PLPPR3: variants seen among roughly 807,000 people sequenced by gnomAD.
PLPPR3 encodes phospholipid phosphatase related 3, also known as phospholipid phosphatase-related protein type 3.
PLPPR3 carries 14 observed loss-of-function variants against 27.3 expected under a neutral mutation model. That is an observed-to-expected ratio of 0.51 (90% CI 0.34 to 0.80). The LOEUF (loss-of-function observed/expected upper bound fraction) is 0.80. PLPPR3 is among the 30% of genes least tolerant of loss of function. The probability of loss-of-function intolerance (pLI) is 0.01; values close to 1 mark genes in which losing one functional copy is unlikely to be tolerated. For synonymous variants in PLPPR3, 671 were observed against 508.0 expected (o/e 1.32, Z -4.32); for missense variants, 1,287 against 1,056.9 (o/e 1.22, Z -3.02).
At position 812,892 on chromosome 19, in the gene PLPPR3, T is replaced by C; in HGVS notation, c.1835A>G (p.Lys612Arg). ...WEWKAAGGGA[K>R]AEADGGYELG... ...CTCGTAGCCGCCGTCGGCCTCCGCC[T>C]TGGCCCCGCCGCCCGCCGCCTTCCA... is the stretch of plus-strand genomic sequence containing the variant. The change falls in exon 8 of 8, where the codon AAG (lysine) becomes AGG (arginine). Residue 612 changes from lysine (K) to arginine (R), a missense_variant. By Grantham distance (26) the Lys-to-Arg change is conservative (BLOSUM62 2). Transcript: ENST00000520876. 2 of 1,265,106 alleles carry C rather than the reference T, an allele frequency of 1.6e-6. No individual in the cohort carries two copies. The highest frequency in any genetic ancestry group is 2.0e-6 in the Non-Finnish European group (2 of 999,830). 78.4% of individuals were successfully genotyped at this position (1,265,106 alleles called of 1,614,324 possible). A position where few individuals can be genotyped will look rare whatever the true frequency, so the allele number is the denominator to read the frequency against.
intron 2 of PLPPR3, among the ~76,000 whole-genome samples, chr19:818,636 C>G (rs2035099143): frequency 6.6e-6 from 1 of 151,902 alleles, no homozygotes; most frequent in African/African-American, 2.4e-5. Context: ...CGGGTTCACG[C>G]CATTCTCCTG....
In PLPPR3 at chr19:813,289, GC is replaced by G; in HGVS notation, c.1437del (p.Pro480LeufsTer42). ...GCGCGCGGTGGGAGGATGACCCGAG[GC>G]CCCAGCCCCGGCCGCGCCTGCACGG... Reference protein sequence around the residue: ...YPTVQARPGLGPRVILPPRAG... With the variant: ...YPTVQARPGLXPRVILPPRAG... On this transcript the variant is annotated frameshift_variant, in exon 8 of 8. Transcript: ENST00000520876. LOFTEE classifies it low-confidence loss of function (END_TRUNC). This position sits in a 1 kb window ranked among gnomAD's most constrained non-coding sequence, Gnocchi z 4.1. The G allele has an allele frequency of 1.4e-6, 2 of 1,466,140 alleles. No homozygotes were observed. The highest frequency in any genetic ancestry group is 1.3e-5 in the South Asian group (1 of 74,958). The allele number at this position is 1,466,140 out of a possible 1,614,324, so 90.8% of individuals were successfully genotyped here. A position where few individuals can be genotyped will look rare whatever the true frequency, so the allele number is the denominator to read the frequency against.
rs143962053 is a variant in PLPPR3 at position 814,684 on chromosome 19, G to A, written c.657+8C>T. 6.1e-4 allele frequency: 972 copies of A among 1,604,072 alleles called. 1 individual carries two copies. The highest frequency in any genetic ancestry group is 7.7e-4 in the Non-Finnish European group (913 of 1,178,822). On this transcript the variant is annotated splice_region_variant and intron_variant, in intron 6 of 7. Transcript: ENST00000520876. The stretch of plus-strand genomic sequence containing the variant: ...GGCCTGGGAAGGGCAGTGAGGGGCC[G>A]GACTCACCGACACATAGACCGCGGC...
At chr19:816,906 GTCCA>G (rs1410739651) in intron 2 of PLPPR3, among the ~76,000 whole-genome samples, 1 of 136,118 alleles carries the variant, frequency 7.3e-6, no homozygotes, top group Non-Finnish European at 1.6e-5. Flanking sequence ...CCACCCAACT[GTCCA>G]TCCATCCACC....
chr19:812,547 C>T lies in PLPPR3; in HGVS notation c.*23G>A. 3 of 979,340 alleles carry T rather than the reference C, an allele frequency of 3.1e-6. No homozygotes were observed. The highest frequency in any genetic ancestry group is 3.6e-6 in the Non-Finnish European group (3 of 822,120). 60.7% of individuals were successfully genotyped at this position (979,340 alleles called of 1,614,324 possible). A position where few individuals can be genotyped will look rare whatever the true frequency, so the allele number is the denominator to read the frequency against. The stretch of plus-strand genomic sequence containing the variant: ...CCGCCCGCGCCCTCGGCCCGCCCCC[C>T]GCCCGCCCCCGGCCCCGCCGCGCTA... On this transcript the variant is annotated 3_prime_UTR_variant, in exon 8 of 8. Transcript: ENST00000520876.
rs1005856702 is a variant in PLPPR3 at position 812,518 on chromosome 19, G to A, written c.*52C>T. 65 of 988,770 alleles carry A rather than the reference G, an allele frequency of 6.6e-5. No homozygotes were observed. In the African/African-American group the frequency reaches 1.1e-3, roughly 17 times the overall value. 61.2% of individuals were successfully genotyped at this position (988,770 alleles called of 1,614,324 possible). On this transcript the variant is annotated 3_prime_UTR_variant, in exon 8 of 8. Transcript: ENST00000520876. Reference sequence around the variant, plus strand: ...TTCTGCCGCTTTATTGAGCATCCGCGCGGCCGCCCGCGCCCTCGGCCCGCC... The same window carrying A: ...TTCTGCCGCTTTATTGAGCATCCGCACGGCCGCCCGCGCCCTCGGCCCGCC...
chr19:818,555 T>C (rs1351115838), intron 2 of PLPPR3, among the ~76,000 whole-genome samples: 1 of 151,822 alleles, frequency 6.6e-6, no homozygotes, highest in African/African-American at 2.4e-5. Context: ...ATACTTTTTT[T>C]TGGAGTCTCG....
intron 2 of PLPPR3, among the ~76,000 whole-genome samples, chr19:820,214 GTCTC>G (rs1489451923): frequency 6.6e-6 from 1 of 151,786 alleles, no homozygotes; most frequent in Non-Finnish European, 1.5e-5. Context: ...TAGAGACAGA[GTCTC>G]TGTCATCCAG....
At position 812,512 on chromosome 19, in the gene PLPPR3, A is replaced by T; in HGVS notation, c.*58T>A. ...CTCGGTTTCTGCCGCTTTATTGAGCATCCGCGCGGCCGCCCGCGCCCTCGG... is the reference window on the plus strand; with the variant it reads ...CTCGGTTTCTGCCGCTTTATTGAGCTTCCGCGCGGCCGCCCGCGCCCTCGG... On this transcript the variant is annotated 3_prime_UTR_variant, in exon 8 of 8. Coordinates refer to ENST00000520876, the MANE Select transcript of PLPPR3 (RefSeq NM_001270366.2). The T allele has an allele frequency of 2.0e-6, 2 of 986,662 alleles. No homozygotes were observed. Among genetic ancestry groups the T allele is most frequent in the Non-Finnish European group, 2.4e-6 (2 of 829,842 alleles). 61.1% of individuals were successfully genotyped at this position (986,662 alleles called of 1,614,324 possible). A position where few individuals can be genotyped will look rare whatever the true frequency, so the allele number is the denominator to read the frequency against.
intron 4 of PLPPR3, 21 bp downstream of exon 4, chr19:815,165 G>C (rs1304539602): frequency 6.2e-7 from 1 of 1,601,992 alleles, no homozygotes; most frequent in African/African-American, 1.3e-5. Context: ...GCTCAGGGTC[G>C]GGGCGCGTCC....
upstream of PLPPR3, among the ~76,000 whole-genome samples, chr19:823,449 A>AAAAAACAAC (rs1035787040): frequency 5.6e-5 from 8 of 141,834 alleles, no homozygotes; most frequent in Admixed American, 2.7e-4. Flanking sequence ...CTCAAAAAAA[A>AAAAAACAAC]AAAAAAAAAC....
rs552711927 is a variant in PLPPR3, at chr19:814,495, C to T, written c.770G>A (p.Arg257His). Residue 257 changes from arginine to histidine, a missense_variant, in exon 7 of 8, where the codon CGC becomes CAC. Physicochemically the swap from Arg to His is conservative, Grantham distance 29. Coordinates refer to ENST00000520876, the MANE Select transcript of PLPPR3 (RefSeq NM_001270366.2). ...GGCATACACGTCCACAGGGTGGCTG[C>T]GGTACTGCGTGATCTGCGTGAGCCC... ...VCGLTQITQY[R>H]SHPVDVYAGF... The T allele has an allele frequency of 1.4e-5, 22 of 1,610,398 alleles. No homozygotes were observed. The East Asian group carries it at 4.0e-4, about 29-fold the overall frequency.
chr19:816,240 A>C (rs1430959696), intron 2 of PLPPR3, among the ~76,000 whole-genome samples: 2 of 140,604 alleles, frequency 1.4e-5, no homozygotes, highest in Non-Finnish European at 3.1e-5. Flanking sequence ...TCCATCCATC[A>C]CCTAGCCATT....
chr19:813,086 G>T lies in PLPPR3; in HGVS notation c.1641C>A (p.Gly547=), dbSNP rs1192996120. 1 of 1,497,266 alleles carries T rather than the reference G, an allele frequency of 6.7e-7. No homozygotes were observed. Among genetic ancestry groups the T allele is most frequent in the Admixed American group, 2.3e-5 (1 of 43,646 alleles). The allele number at this position is 1,497,266 out of a possible 1,614,324, so 92.7% of individuals were successfully genotyped here. A position where few individuals can be genotyped will look rare whatever the true frequency, so the allele number is the denominator to read the frequency against. Residue 547 remains glycine, a synonymous_variant, in exon 8 of 8, where the codon GGC becomes GGA. Transcript: ENST00000520876. The surrounding 1 kb of genome is among the most constrained non-coding windows in gnomAD (Gnocchi z 4.1). ...TCTCGGCCGCCTTGGGGCCCGGCGCGCCCGGAGCCTTGGACATGGCGATGA... is the reference window on the plus strand; with the variant it reads ...TCTCGGCCGCCTTGGGGCCCGGCGCTCCCGGAGCCTTGGACATGGCGATGA... ...LQVIAMSKAP[G]APGPKAAETA...
At position 813,362 on chromosome 19, in the gene PLPPR3, C is replaced by G. The variant is rs891340507; in HGVS notation, c.1365G>C (p.Glu455Asp). The change falls in exon 8 of 8, where the codon GAG becomes GAC. Residue 455 changes from glutamate (E) to aspartate (D), a missense_variant. Coordinates refer to ENST00000520876, the MANE Select transcript of PLPPR3 (RefSeq NM_001270366.2). The surrounding 1 kb of genome is among the most constrained non-coding windows in gnomAD (Gnocchi z 4.1). ...EEEDEEEEEE[E>D]EEEEDEGPAP... ...CCGGGCCCTCGTCCTCCTCCTCTTC[C>G]TCCTCCTCCTCTTCCTCTTCGTCCT... 17 of 1,479,788 alleles carry G rather than the reference C, an allele frequency of 1.1e-5. No individual in the cohort carries two copies. In the African/African-American group the frequency reaches 1.2e-4, roughly 10 times the overall value. 91.7% of individuals were successfully genotyped at this position (1,479,788 alleles called of 1,614,324 possible). A position where few individuals can be genotyped will look rare whatever the true frequency, so the allele number is the denominator to read the frequency against.
upstream of PLPPR3, chr19:822,028 C>CGCCCAGACGCCGCA (rs1261118350): frequency 1.3e-5 from 2 of 151,994 alleles, no homozygotes; most frequent in African/African-American, 2.4e-5. Flanking sequence ...CCCCCGCGCG[C>CGCCCAGACGCCGCA]GCCCAGACGC....
chr19:814,403 A>G (rs767328762), intron 7 of PLPPR3, 31 bp downstream of exon 7: 3 of 1,566,276 alleles, frequency 1.9e-6, no homozygotes, highest in Non-Finnish European at 2.6e-6. Context: ...CTGGGAACCC[A>G]TGCCGACCCC....
intron 2 of PLPPR3, among the ~76,000 whole-genome samples, chr19:816,347 AT>A (rs1373244597): frequency 3.4e-4 from 16 of 46,900 alleles, no homozygotes; most frequent in African/African-American, 4.0e-4. Flanking sequence ...CCACCCATCC[AT>A]CCGTCCATTC....
At chr19:823,450 A>AAAAAAAACAAAAAC (rs71174324), upstream of PLPPR3, among the ~76,000 whole-genome samples, 7 of 143,838 alleles carry the variant, frequency 4.9e-5, no homozygotes, top group Non-Finnish European at 9.1e-5. Flanking sequence ...TCAAAAAAAA[A>AAAAAAAACAAAAAC]AAAAAAAACA....
Sources: gnomAD v4.1 joint callset for allele counts (sites outside exome capture counted in the v4.1 genomes callset) on GRCh38, gnomAD v4.1.1 for gene constraint, Gnocchi (gnomAD v3.1) non-coding constraint, MANE v1.5 for transcripts, NCBI Gene and HGNC (gene_info 2026-07-23, HGNC 2026-07-21) for gene names.